The following PLCH1 variants were observed in gnomAD, a reference collection of about 807,000 sequenced individuals.
PLCH1 encodes phospholipase C eta 1.
Under a neutral mutation model 126.7 loss-of-function variants are expected in PLCH1, and 60 were observed. That is an observed-to-expected ratio of 0.47 (90% CI 0.38 to 0.59). The LOEUF (loss-of-function observed/expected upper bound fraction) is 0.59. PLCH1 is among the 20% of genes least tolerant of loss of function. The pLI is 0.00. For missense variants in PLCH1, 1,723 were observed against 2,040.0 expected, an observed-to-expected ratio of 0.84 and a Z score of 2.99; for synonymous variants, 719 against 734.9, an observed-to-expected ratio of 0.98 and a Z score of 0.35.
intron 2 of PLCH1, among the ~76,000 whole-genome samples, chr3:155,601,005 C>G (rs150092071): frequency 6.6e-6 from 1 of 152,148 alleles, no homozygotes. Flanking sequence ...GACGGAGTCT[C>G]GCTCTGTAGC....
intron 10 of PLCH1, among the ~76,000 whole-genome samples, chr3:155,541,867 G>A (rs592982): frequency 0.81 from 123,525 of 151,992 alleles, 52,006 homozygotes; most frequent in Middle Eastern, 0.95. Flanking sequence ...ATGCAATAAA[G>A]TAAAATACAA....
chr3:155,643,115 A>AT lies in PLCH1; in HGVS notation c.80-46738dup, dbSNP rs1391982204. 2.6e-5 allele frequency among the ~76,000 whole-genome samples: 4 copies of AT among 152,042 alleles called. No individual in the cohort carries two copies. In the East Asian group the frequency reaches 7.7e-4, roughly 29 times the overall value. On this transcript the variant is annotated intron_variant, in intron 2 of 22. Coordinates refer to ENST00000460012, the MANE Select transcript of PLCH1 (RefSeq NM_014996.4). Reference sequence around the variant, plus strand: ...AGGCACCTGCCACCATGCCCAACTAATTTTTTTATTTTTAGTAGAGGCGGG... The same window carrying AT: ...AGGCACCTGCCACCATGCCCAACTAATTTTTTTTATTTTTAGTAGAGGCGGG...
At chr3:155,539,539 TA>T in intron 10 of PLCH1, among the ~76,000 whole-genome samples, 1 of 152,280 alleles carries the variant, frequency 6.6e-6, no homozygotes, top group South Asian at 2.1e-4. Flanking sequence ...CTAGATCTGA[TA>T]AATGAATTCA....
chr3:155,672,923 C>T (rs1743676705), intron 2 of PLCH1, among the ~76,000 whole-genome samples: 1 of 152,204 alleles, frequency 6.6e-6, no homozygotes, highest in African/African-American at 2.4e-5. Context: ...TTTACTGCAA[C>T]AGCTTTCTGG....
At chr3:155,563,242 A>T (rs1727873614) in intron 8 of PLCH1, among the ~76,000 whole-genome samples, 1 of 152,178 alleles carries the variant, frequency 6.6e-6, no homozygotes. Context: ...CCACATACCA[A>T]GTTCAGCATT....
intron 2 of PLCH1, among the ~76,000 whole-genome samples, chr3:155,616,780 C>T (rs1401716941): frequency 6.6e-6 from 1 of 151,954 alleles, no homozygotes; most frequent in African/African-American, 2.4e-5. Context: ...AGGATTTTTG[C>T]TTTTTTGAAA....
At chr3:155,630,877 C>T (rs1403286878) in intron 2 of PLCH1, among the ~76,000 whole-genome samples, 6 of 151,714 alleles carry the variant, frequency 4.0e-5, no homozygotes, top group South Asian at 2.1e-4. Context: ...TCCTATGTAC[C>T]CAAAAGGAAT....
intron 2 of PLCH1, among the ~76,000 whole-genome samples, chr3:155,644,897 A>T (rs1416052920): frequency 6.6e-6 from 1 of 152,104 alleles, no homozygotes; most frequent in Non-Finnish European, 1.5e-5. Flanking sequence ...ACTCCTGTAA[A>T]TGTTCCTGTC....
chr3:155,473,536 A>G (rs1402873154), intron 21 of PLCH1, among the ~76,000 whole-genome samples: 1 of 150,082 alleles, frequency 6.7e-6, no homozygotes, highest in East Asian at 2.0e-4. Flanking sequence ...ATCCCCATCA[A>G]GCTACCAATG....
At chr3:155,533,377 T>C (rs1257079623) in intron 10 of PLCH1, among the ~76,000 whole-genome samples, 2 of 151,912 alleles carry the variant, frequency 1.3e-5, no homozygotes, top group South Asian at 4.2e-4. Flanking sequence ...TGAAACCCCG[T>C]TTCTACTAAA....
intron 11 of PLCH1, among the ~76,000 whole-genome samples, chr3:155,522,502 TA>T (rs1468250307): frequency 6.6e-6 from 1 of 152,210 alleles, no homozygotes; most frequent in African/African-American, 2.4e-5. Context: ...TTGGCCCATT[TA>T]AAGGGCATTA....
At chr3:155,591,913 C>T (rs891157897) in intron 4 of PLCH1, among the ~76,000 whole-genome samples, 7 of 152,050 alleles carry the variant, frequency 4.6e-5, no homozygotes, top group Admixed American at 3.3e-4. Flanking sequence ...ACTATTTTGC[C>T]GAGACTGGTC....
chr3:155,572,286 C>T (rs1729325204), intron 6 of PLCH1, among the ~76,000 whole-genome samples: 1 of 152,160 alleles, frequency 6.6e-6, no homozygotes, highest in Admixed American at 6.5e-5. Flanking sequence ...ATTCCACACA[C>T]ACATTTGTTT....
chr3:155,640,555 C>G (rs892059686), intron 2 of PLCH1, among the ~76,000 whole-genome samples: 8 of 152,106 alleles, frequency 5.3e-5, no homozygotes, highest in African/African-American at 1.9e-4. Flanking sequence ...TTTTGTGGTC[C>G]TTTAACAGCC....
At chr3:155,711,927 T>C (rs1258340308) in intron 1 of PLCH1, among the ~76,000 whole-genome samples, 1 of 152,190 alleles carries the variant, frequency 6.6e-6, no homozygotes, top group Non-Finnish European at 1.5e-5. Context: ...TTTGTGGAGA[T>C]TGGATCCAAC....
Position 155,692,922 on chromosome 3 carries a change from A to G in PLCH1, c.79+11224T>C, listed in dbSNP as rs1468464300. Reference sequence around the variant, plus strand: ...CTCCTGCCTCAGAGTAGCTGGGACTACAGGCGCACGCTGCCACGCCCGGCT... The same window carrying G: ...CTCCTGCCTCAGAGTAGCTGGGACTGCAGGCGCACGCTGCCACGCCCGGCT... On this transcript the variant is annotated intron_variant, in intron 2 of 22. Coordinates refer to ENST00000460012, the MANE Select transcript of PLCH1 (RefSeq NM_014996.4). 2.6e-5 allele frequency among the ~76,000 whole-genome samples: 4 copies of G among 152,046 alleles called. No homozygotes were observed. The South Asian group carries it at 8.3e-4, about 32-fold the overall frequency.
At chr3:155,555,753 T>G (rs749711496) in intron 8 of PLCH1, among the ~76,000 whole-genome samples, 5 of 152,056 alleles carry the variant, frequency 3.3e-5, no homozygotes, top group Non-Finnish European at 7.4e-5. Flanking sequence ...CCCTTCTCAT[T>G]TTGCTTACCT....
chr3:155,656,283 C>T (rs1179189785), intron 2 of PLCH1, among the ~76,000 whole-genome samples: 3 of 151,950 alleles, frequency 2.0e-5, no homozygotes, highest in African/African-American at 4.8e-5. Flanking sequence ...TATATTGTTC[C>T]AGAGCATAGA....
chr3:155,707,582 G>A (rs1285322224), intron 1 of PLCH1, among the ~76,000 whole-genome samples: 3 of 151,802 alleles, frequency 2.0e-5, no homozygotes, highest in Admixed American at 1.3e-4. Flanking sequence ...CCAGCTACTC[G>A]GGAGGCTGAG....
Sources: allele counts gnomAD v4.1 joint callset (sites outside exome capture counted in the v4.1 genomes callset), GRCh38; gene constraint gnomAD v4.1.1; transcripts MANE v1.5; gene names NCBI Gene and HGNC (gene_info 2026-07-23, HGNC 2026-07-21).